The following RALYL variants were observed in gnomAD, a reference collection of about 807,000 sequenced individuals.
RALYL encodes the protein RNA-binding Raly-like protein.
RALYL carries 29 observed loss-of-function variants against 35.1 expected under a neutral mutation model. That is an observed-to-expected ratio of 0.83 (90% confidence interval 0.61 to 1.13). RALYL has a LOEUF of 1.13. RALYL is among the 50% of genes most tolerant of loss of function. RALYL has a pLI of 0.00. For missense variants in RALYL, 359 were observed against 360.4 expected (o/e 1.00, Z 0.03); for synonymous variants, 120 against 127.6 (o/e 0.94, Z 0.40).
At chr8:84,246,769 C>G (rs185887731) in intron 1 of RALYL, among the ~76,000 whole-genome samples, 54 of 152,112 alleles carry the variant, frequency 3.6e-4, no homozygotes, top group African/African-American at 1.3e-3. Flanking sequence ...TGGTATGTAC[C>G]AAATACCTGG....
At chr8:84,679,042 G>A (rs1834813235) in intron 2 of RALYL, 1 of 341,740 alleles carries the variant, frequency 2.9e-6, no homozygotes, top group South Asian at 2.6e-5. Flanking sequence ...GGATTTGGCT[G>A]CAAATAAGCA....
chr8:84,838,413 T>G (rs1440503752), intron 4 of RALYL, among the ~76,000 whole-genome samples: 1 of 152,188 alleles, frequency 6.6e-6, no homozygotes, highest in African/African-American at 2.4e-5. Flanking sequence ...TCTTTGGATC[T>G]CTTTGAATCT....
chr8:84,435,512 A>G (rs1330381386), intron 1 of RALYL, among the ~76,000 whole-genome samples: 1 of 152,196 alleles, frequency 6.6e-6, no homozygotes, highest in East Asian at 1.9e-4. Context: ...GGGACTTTTT[A>G]ATGAACTCTA....
chr8:84,476,178 G>GTTAA (rs1197726652), intron 1 of RALYL, among the ~76,000 whole-genome samples: 1 of 152,152 alleles, frequency 6.6e-6, no homozygotes, highest in Non-Finnish European at 1.5e-5. Context: ...AGTGGAAGTT[G>GTTAA]TTAACCTTAA....
At chr8:84,246,633 G>A (rs1478119022) in intron 1 of RALYL, among the ~76,000 whole-genome samples, 1 of 152,148 alleles carries the variant, frequency 6.6e-6, no homozygotes, top group African/African-American at 2.4e-5. Context: ...TAAATGATCT[G>A]AGAAGAGACT....
At chr8:84,589,080 T>C (rs1270783192) in intron 2 of RALYL, among the ~76,000 whole-genome samples, 1 of 152,148 alleles carries the variant, frequency 6.6e-6, no homozygotes, top group Non-Finnish European at 1.5e-5. Flanking sequence ...GTATTTTTAG[T>C]AGAGATGGGG....
chr8:84,890,407 A>G (rs1843617255), intron 8 of RALYL, among the ~76,000 whole-genome samples: 1 of 152,172 alleles, frequency 6.6e-6, no homozygotes, highest in Non-Finnish European at 1.5e-5. Context: ...AAAAGATTTG[A>G]AAAGGCTCCT....
chr8:84,885,512 A>G (rs542414121), intron 7 of RALYL, among the ~76,000 whole-genome samples: 7 of 152,282 alleles, frequency 4.6e-5, no homozygotes, highest in African/African-American at 1.7e-4. Flanking sequence ...GCATATCAAG[A>G]TAAAAAGTAT....
At chr8:84,905,736 G>A (rs796419981) in intron 8 of RALYL, among the ~76,000 whole-genome samples, 34 of 141,926 alleles carry the variant, frequency 2.4e-4, no homozygotes, top group African/African-American at 6.4e-4. Context: ...TTGCTCTGTC[G>A]CCCAGGATGG....
At chr8:84,701,284 C>T (rs1351021133) in intron 2 of RALYL, among the ~76,000 whole-genome samples, 7 of 152,126 alleles carry the variant, frequency 4.6e-5, no homozygotes, top group Non-Finnish European at 1.0e-4. Context: ...GTTCATATAC[C>T]TCATCTTCCT....
chr8:84,647,901 G>T (rs190070726), intron 2 of RALYL, among the ~76,000 whole-genome samples: 1 of 152,074 alleles, frequency 6.6e-6, no homozygotes. Context: ...TTAGTGCAAG[G>T]TGCTTAATCA....
intron 8 of RALYL, among the ~76,000 whole-genome samples, chr8:84,902,355 CCA>C (rs1270704868): frequency 6.6e-6 from 1 of 152,128 alleles, no homozygotes; most frequent in African/African-American, 2.4e-5. Flanking sequence ...GAGAACAGCA[CCA>C]AGAGGATGGT....
chr8:84,647,440 T>C (rs1564303257), intron 2 of RALYL, among the ~76,000 whole-genome samples: 1 of 152,016 alleles, frequency 6.6e-6, no homozygotes, highest in East Asian at 1.9e-4. Flanking sequence ...TGCCTGAAGA[T>C]AGAAATTGGA....
intron 2 of RALYL, among the ~76,000 whole-genome samples, chr8:84,557,654 A>AATTTAC (rs2061219953): frequency 6.6e-6 from 1 of 152,204 alleles, no homozygotes. Context: ...TCTATCACAC[A>AATTTAC]AAGTGTGTAT....
chr8:84,651,700 C>T (rs10109730), intron 2 of RALYL, among the ~76,000 whole-genome samples: 29,462 of 151,504 alleles, frequency 0.19, 3,110 homozygotes, highest in Non-Finnish European at 0.23. Flanking sequence ...TTTCATAAAA[C>T]GTGTTATATG....
At chr8:84,676,737 G>A (rs1254007790) in intron 2 of RALYL, among the ~76,000 whole-genome samples, 1 of 152,160 alleles carries the variant, frequency 6.6e-6, no homozygotes, top group Non-Finnish European at 1.5e-5. Context: ...ACATAGAAAT[G>A]AATGCAAAAG....
chr8:84,381,400 G>A (rs974697205), intron 1 of RALYL, among the ~76,000 whole-genome samples: 1 of 151,818 alleles, frequency 6.6e-6, no homozygotes, highest in Non-Finnish European at 1.5e-5. Flanking sequence ...AGAAAAAGGG[G>A]TCCTTCTTAA....
intron 2 of RALYL, among the ~76,000 whole-genome samples, chr8:84,756,175 C>A (rs927363915): frequency 2.6e-5 from 4 of 151,906 alleles, no homozygotes; most frequent in African/African-American, 4.8e-5. Flanking sequence ...CCCAAAAAAA[C>A]CAATAAGATT....
chr8:84,366,676 G>A (rs1235056865), intron 1 of RALYL, among the ~76,000 whole-genome samples: 1 of 147,346 alleles, frequency 6.8e-6, no homozygotes, highest in Non-Finnish European at 1.5e-5. Flanking sequence ...TTGGGAGGCT[G>A]AGGCAAGAGA....
Sources: allele counts gnomAD v4.1 joint callset (sites outside exome capture counted in the v4.1 genomes callset), GRCh38; gene constraint gnomAD v4.1.1; transcripts MANE v1.5; gene names NCBI Gene and HGNC (gene_info 2026-07-23, HGNC 2026-07-21).